Variants in ARMC8 observed in about 807,000 individuals in gnomAD.
ARMC8 encodes armadillo repeat containing 8.
A neutral mutation model predicts 99.3 loss-of-function variants in ARMC8; 20 were observed. The ratio of observed to expected loss-of-function variants is 0.20; its 90% confidence interval spans 0.14 to 0.29. ARMC8 has a LOEUF of 0.29. Among genes scored for constraint, ARMC8 ranks in the 10% least tolerant of loss-of-function variants. The pLI, the probability that ARMC8 is intolerant of heterozygous loss-of-function variation, is 1.00. For synonymous variants in ARMC8, 263 were observed against 278.3 expected (o/e 0.95, Z 0.55); for missense variants, 569 against 809.5 (o/e 0.70, Z 3.60).
At chr3:138,293,150 A>G (rs1316789693) in intron 21 of ARMC8, among the ~76,000 whole-genome samples, 2 of 152,154 alleles carry the variant, frequency 1.3e-5, no homozygotes, top group Non-Finnish European at 2.9e-5. Flanking sequence ...AGAGGAACTT[A>G]ACTAACTCCT....
intron 1 of ARMC8, 144 bp downstream of exon 1, chr3:138,187,743 G>T (rs1176585566): frequency 3.4e-6 from 3 of 890,956 alleles, no homozygotes; most frequent in African/African-American, 3.4e-5. Flanking sequence ...GTGAGCGAGG[G>T]TGGAGAGGCG....
Position 138,230,691 on chromosome 3 carries a change from G to C in ARMC8, c.528+1681G>C, listed in dbSNP as rs566315948. Among the ~76,000 whole-genome samples the C allele has an allele frequency of 4.3e-4, 65 of 152,208 alleles. No individual in the cohort carries two copies. In the South Asian group the frequency reaches 5.0e-3, roughly 12 times the overall value. ...AAATAAAATTCTATTACTGAGTGTT[G>C]AACAGAGCACAGCATCTACTAGTCA... On this transcript the variant is annotated intron_variant, in intron 6 of 21. Transcript: ENST00000469044.
chr3:138,191,793 T>C (rs561289150), intron 1 of ARMC8, among the ~76,000 whole-genome samples: 5 of 152,350 alleles, frequency 3.3e-5, no homozygotes, highest in African/African-American at 9.6e-5. Context: ...TGTCACTCAG[T>C]ATAATGCTTT....
intron 14 of ARMC8, 73 bp from the exon 15 acceptor site, chr3:138,267,082 T>C: frequency 2.5e-6 from 2 of 788,950 alleles, no homozygotes; most frequent in Non-Finnish European, 4.0e-6. Flanking sequence ...TTTTTATTTA[T>C]ATTTTATATC....
At chr3:138,280,430 G>A (rs1463109024) in intron 18 of ARMC8, among the ~76,000 whole-genome samples, 1 of 150,986 alleles carries the variant, frequency 6.6e-6, no homozygotes, top group Non-Finnish European at 1.5e-5. Context: ...CTATTCTCGT[G>A]CCTCAGCCTC....
intron 6 of ARMC8, 101 bp downstream of exon 6, chr3:138,229,111 T>A: frequency 2.8e-6 from 1 of 362,246 alleles, no homozygotes; most frequent in Non-Finnish European, 5.3e-6. Flanking sequence ...CATACATATA[T>A]AAGTAGACCT....
intron 12 of ARMC8, among the ~76,000 whole-genome samples, chr3:138,255,548 A>G (rs2108229906): frequency 6.6e-6 from 1 of 152,102 alleles, no homozygotes; most frequent in South Asian, 2.1e-4. Flanking sequence ...AGAATTTGGT[A>G]TGAATGTGGG....
intron 12 of ARMC8, among the ~76,000 whole-genome samples, chr3:138,257,513 A>G (rs1350125506): frequency 1.3e-5 from 2 of 152,122 alleles, no homozygotes; most frequent in South Asian, 2.1e-4. Context: ...TACCCAGTCT[A>G]TCCAGATAAG....
At chr3:138,198,949 A>G (rs534570970) in intron 1 of ARMC8, among the ~76,000 whole-genome samples, 2 of 152,234 alleles carry the variant, frequency 1.3e-5, no homozygotes, top group African/African-American at 4.8e-5. Context: ...ATACAAGTAT[A>G]TTAAATTTAA....
rs2051665560 is a variant in ARMC8 at position 138,298,348 on chromosome 3, A to T, written c.*2456A>T. Reference sequence around the variant, plus strand: ...TGTTTGGATAATATGATTTTAACACATGCTAATAAAAGCCAAGAAAAATCA... The same window carrying T: ...TGTTTGGATAATATGATTTTAACACTTGCTAATAAAAGCCAAGAAAAATCA... On this transcript the variant is annotated 3_prime_UTR_variant, in exon 22 of 22. Coordinates refer to ENST00000469044, the MANE Select transcript of ARMC8 (RefSeq NM_001363941.2). 1 of 152,236 alleles carries T rather than the reference A, an allele frequency of 6.6e-6. No homozygotes were observed. Among genetic ancestry groups the T allele is most frequent in the African/African-American group, 2.4e-5 (1 of 41,452 alleles). The allele number at this position is 152,236 out of a possible 1,614,324, so 9.4% of individuals were successfully genotyped here.
intron 1 of ARMC8, among the ~76,000 whole-genome samples, chr3:138,193,462 C>T (rs191929722): frequency 5.3e-5 from 8 of 152,076 alleles, no homozygotes; most frequent in East Asian, 3.9e-4. Context: ...GATGGGGTTT[C>T]GCCATGTTGG....
chr3:138,294,532 T>G (rs1366177552), intron 21 of ARMC8, among the ~76,000 whole-genome samples: 2 of 152,230 alleles, frequency 1.3e-5, no homozygotes, highest in African/African-American at 4.8e-5. Flanking sequence ...TTTAGAGTCT[T>G]ATATAATTGC....
chr3:138,188,341 A>G, intron 1 of ARMC8: 2 of 1,333,412 alleles, frequency 1.5e-6, no homozygotes, highest in Non-Finnish European at 2.0e-6. Flanking sequence ...CATTGTTGAA[A>G]GAAGGGAACG....
chr3:138,244,341 G>A (rs553147988), intron 11 of ARMC8, among the ~76,000 whole-genome samples: 2 of 152,084 alleles, frequency 1.3e-5, no homozygotes, highest in Admixed American at 6.5e-5. Context: ...GCAGTGGCGC[G>A]ATCTCGGCTC....
At chr3:138,263,538 A>G in intron 12 of ARMC8, 1 of 595,698 alleles carries the variant, frequency 1.7e-6, no homozygotes, top group Middle Eastern at 4.5e-4. Flanking sequence ...CCTGTCATTC[A>G]GCCTGGCAGG....
At chr3:138,294,205 A>G (rs1222221960) in intron 21 of ARMC8, among the ~76,000 whole-genome samples, 1 of 152,216 alleles carries the variant, frequency 6.6e-6, no homozygotes, top group South Asian at 2.1e-4. Context: ...TGAAGAATAT[A>G]TCTCTCAGGT....
Position 138,239,512 on chromosome 3 carries a change from A to T in ARMC8, c.821A>T (p.Asn274Ile). 1 of 1,598,776 alleles carries T rather than the reference A, an allele frequency of 6.3e-7. No homozygotes were observed. The highest frequency in any genetic ancestry group is 1.1e-5 in the South Asian group (1 of 87,584). ...GCTGGAGCAATTCGGACAGATGATA[A>T]CTGTATTGTATTAAAGGTAAGCTAA... ...CRAGAIRTDD[N>I]CIVLKTLPCL... Residue 274 changes from asparagine (N) to isoleucine (I), a missense_variant, in exon 10 of 22, where the codon AAC becomes ATC. This residue lies in a region of ARMC8 where 342 missense variants were observed against 391.6 expected (regional missense o/e 0.87). Coordinates refer to ENST00000469044, the MANE Select transcript of ARMC8 (RefSeq NM_001363941.2).
At chr3:138,229,190 G>GTATATATATA (rs1286775498) in intron 6 of ARMC8, 180 bp downstream of exon 6, 1 of 63,534 alleles carries the variant, frequency 1.6e-5, no homozygotes, top group African/African-American at 6.9e-5. Context: ...ATATGTATAT[G>GTATATATATA]TATATGTATA....
At chr3:138,223,269 G>T (rs2045504638) in intron 3 of ARMC8, 120 bp from the exon 4 acceptor site, 1 of 806,240 alleles carries the variant, frequency 1.2e-6, no homozygotes, top group South Asian at 1.9e-5. Flanking sequence ...AATGACCATT[G>T]GATTCATATA....
Sources: gnomAD v4.1 joint callset for allele counts (sites outside exome capture counted in the v4.1 genomes callset) on GRCh38, gnomAD v4.1.1 for gene constraint, gnomAD v4.1.1 regional missense constraint, MANE v1.5 for transcripts, NCBI Gene and HGNC (gene_info 2026-07-23, HGNC 2026-07-21) for gene names.